PDE3A: variants seen among roughly 807,000 people sequenced by gnomAD.
PDE3A encodes phosphodiesterase 3A.
In PDE3A, 43 loss-of-function variants were observed where a neutral mutation model predicts 98.3. The observed-to-expected ratio is 0.44, with a 90% confidence interval of 0.34 to 0.56. The LOEUF (loss-of-function observed/expected upper bound fraction) is 0.56, where lower values mean the gene tolerates loss of function less well. Among genes scored for constraint, PDE3A ranks in the 20% least tolerant of loss-of-function variants. The pLI is 0.01. For synonymous variants in PDE3A, 663 were observed against 567.9 expected (o/e 1.17, Z -2.38); for missense variants, 1,427 against 1,440.7 (o/e 0.99, Z 0.15).
rs553123539 is a variant in PDE3A, at chr12:20,606,288, G to C, written c.1012-7155G>C. ...GATTTTATCTTTTAGAAATTCTCCA[G>C]TTCTCAATATTTTGGCATAAACTCA... is the stretch of plus-strand genomic sequence containing the variant. On this transcript the variant is annotated intron_variant, in intron 2 of 15. Coordinates refer to ENST00000359062, the MANE Select transcript of PDE3A (RefSeq NM_000921.5). Among the ~76,000 whole-genome samples, 61 of 151,980 alleles carry C rather than the reference G, an allele frequency of 4.0e-4. 2 individuals carry two copies. In the South Asian group the frequency reaches 0.012, roughly 30 times the overall value.
At chr12:20,648,431 G>C (rs1944826739) in intron 12 of PDE3A, among the ~76,000 whole-genome samples, 1 of 151,512 alleles carries the variant, frequency 6.6e-6, no homozygotes, top group African/African-American at 2.4e-5. Context: ...TATCTATTAA[G>C]ATAGGCGAGT....
At chr12:20,449,774 G>C in intron 1 of PDE3A, 2 of 500,016 alleles carry the variant, frequency 4.0e-6, no homozygotes, top group Non-Finnish European at 7.2e-6. Context: ...CACCAGTGCT[G>C]TGAGGGACTG....
chr12:20,551,946 G>A (rs562106270), intron 1 of PDE3A: 43 of 1,613,062 alleles, frequency 2.7e-5, no homozygotes, highest in Admixed American at 2.5e-4. Flanking sequence ...TCAGCGAGTC[G>A]GGTGTCCATC....
intron 1 of PDE3A, among the ~76,000 whole-genome samples, chr12:20,422,215 G>A (rs1030276532): frequency 2.0e-5 from 3 of 151,904 alleles, no homozygotes; most frequent in East Asian, 3.9e-4. Flanking sequence ...GCATGGTGGC[G>A]GGCACCTGTA....
At chr12:20,445,009 A>C (rs1944931906) in intron 1 of PDE3A, among the ~76,000 whole-genome samples, 1 of 152,170 alleles carries the variant, frequency 6.6e-6, no homozygotes. Flanking sequence ...CTTAGAAAAC[A>C]CCTCATACTG....
rs572353628 is a variant in PDE3A at position 20,431,703 on chromosome 12, T to A, written c.960+61459T>A. ...ATATGTACCTATAGTATGTCTAAAT[T>A]TTTCATGGTATTAGATTATACTTCA... On this transcript the variant is annotated intron_variant, in intron 1 of 15. Coordinates refer to ENST00000359062, the MANE Select transcript of PDE3A (RefSeq NM_000921.5). 5.3e-5 allele frequency among the ~76,000 whole-genome samples: 8 copies of A among 152,222 alleles called. No individual in the cohort carries two copies. The South Asian group carries it at 1.5e-3, about 28-fold the overall frequency.
At position 20,437,085 on chromosome 12, in the gene PDE3A, C is replaced by T. The variant is rs12309205; in HGVS notation, c.960+66841C>T. Among the ~76,000 whole-genome samples, 835 of 151,534 alleles carry T rather than the reference C, an allele frequency of 5.5e-3. 11 individuals carry two copies. The highest frequency in any genetic ancestry group is 0.019 in the African/African-American group (793 of 41,312). ...TGTGTGTGTGTGTGTGTGCCCTTGA[C>T]GCTATCTGATTCCTTTGAGTATTGA... On this transcript the variant is annotated intron_variant, in intron 1 of 15. Coordinates refer to ENST00000359062, the MANE Select transcript of PDE3A (RefSeq NM_000921.5).
chr12:20,562,640 T>G (rs1268165627), intron 2 of PDE3A, among the ~76,000 whole-genome samples: 3 of 152,190 alleles, frequency 2.0e-5, no homozygotes, highest in African/African-American at 7.2e-5. Flanking sequence ...TGTGAATTTG[T>G]AAACATCCTA....
At chr12:20,506,128 G>GTGTGTC (rs377692430) in intron 1 of PDE3A, among the ~76,000 whole-genome samples, 133 of 146,910 alleles carry the variant, frequency 9.1e-4, no homozygotes, top group African/African-American at 3.3e-3. Context: ...GTGTGTGTGT[G>GTGTGTC]TATGTGTGTG....
At chr12:20,532,403 G>T (rs966364507) in intron 1 of PDE3A, among the ~76,000 whole-genome samples, 3 of 151,872 alleles carry the variant, frequency 2.0e-5, no homozygotes, top group Admixed American at 2.0e-4. Context: ...TTTATGTAAT[G>T]ATTTTACATT....
At chr12:20,627,676 TTTAAG>T (rs1440242089) in intron 5 of PDE3A, among the ~76,000 whole-genome samples, 4 of 152,062 alleles carry the variant, frequency 2.6e-5, no homozygotes, top group African/African-American at 9.7e-5. Context: ...ATTACTTGAA[TTTAAG>T]TTAATTTTCT....
chr12:20,620,322 T>C (rs994819082), intron 4 of PDE3A, among the ~76,000 whole-genome samples: 2 of 151,992 alleles, frequency 1.3e-5, no homozygotes, highest in Non-Finnish European at 2.9e-5. Context: ...TTTACGTAAA[T>C]TATAGATTGT....
chr12:20,389,344 T>C (rs1198525207), intron 1 of PDE3A, among the ~76,000 whole-genome samples: 1 of 151,926 alleles, frequency 6.6e-6, no homozygotes, highest in Non-Finnish European at 1.5e-5. Context: ...GGTTATCCAC[T>C]GAGGAGGCAC....
chr12:20,639,990 TA>T, intron 10 of PDE3A, 33 bp downstream of exon 10: 1 of 997,430 alleles, frequency 1.0e-6, no homozygotes, highest in South Asian at 1.3e-5. Context: ...ATAATACTTT[TA>T]AAATATGTCG....
At chr12:20,425,197 C>T (rs978822225) in intron 1 of PDE3A, among the ~76,000 whole-genome samples, 2 of 152,082 alleles carry the variant, frequency 1.3e-5, no homozygotes, top group Non-Finnish European at 2.9e-5. Context: ...GGTGGTAATG[C>T]GTGTTTTTTG....
intron 15 of PDE3A, among the ~76,000 whole-genome samples, chr12:20,664,037 T>C (rs1565468247): frequency 2.0e-5 from 3 of 152,068 alleles, no homozygotes; most frequent in East Asian, 3.9e-4. Context: ...TGAGTTCTTA[T>C]GAGATCTAAT....
At chr12:20,404,946 G>A (rs1163973027) in intron 1 of PDE3A, among the ~76,000 whole-genome samples, 1 of 147,230 alleles carries the variant, frequency 6.8e-6, no homozygotes, top group Non-Finnish European at 1.5e-5. Context: ...ACTGCTTGCC[G>A]ACTCAAGGAC....
chr12:20,644,280 T>A (rs1944720055), intron 10 of PDE3A, among the ~76,000 whole-genome samples: 3 of 152,232 alleles, frequency 2.0e-5, no homozygotes, highest in Non-Finnish European at 2.9e-5. Flanking sequence ...TGGTGATCTA[T>A]ACTAGTTCTG....
intron 15 of PDE3A, among the ~76,000 whole-genome samples, chr12:20,671,314 A>C (rs1445125893): frequency 6.6e-6 from 1 of 151,378 alleles, no homozygotes; most frequent in Non-Finnish European, 1.5e-5. Flanking sequence ...ATTCCAATCA[A>C]TAGAAAAACA....
Sources: gnomAD v4.1 joint callset for allele counts (sites outside exome capture counted in the v4.1 genomes callset) on GRCh38, gnomAD v4.1.1 for gene constraint, MANE v1.5 for transcripts, NCBI Gene and HGNC (gene_info 2026-07-23, HGNC 2026-07-21) for gene names.